Variants in MFHAS1 observed in about 807,000 individuals in gnomAD.
The protein encoded by MFHAS1 is malignant fibrous histiocytoma-amplified sequence 1.
A neutral mutation model predicts 70.4 loss-of-function variants in MFHAS1; 50 were observed. The observed-to-expected ratio is 0.71, with a 90% CI of 0.57 to 0.90. The LOEUF is 0.90. Among genes scored for constraint, MFHAS1 ranks in the 40% least tolerant of loss-of-function variants. MFHAS1 has a pLI of 0.00. For missense variants in MFHAS1, 1,795 were observed against 1,347.6 expected (o/e 1.33, Z -5.20); for synonymous variants, 952 against 620.0 (o/e 1.54, Z -7.96).
intron 1 of MFHAS1, among the ~76,000 whole-genome samples, chr8:8,873,115 C>T (rs1352203583): frequency 1.3e-5 from 2 of 152,216 alleles, no homozygotes; most frequent in African/African-American, 4.8e-5. Flanking sequence ...TTTTTGGTAT[C>T]ATAGTGTTCT....
chr8:8,880,698 T>TCC (rs34720089), intron 1 of MFHAS1, among the ~76,000 whole-genome samples: 5,719 of 148,958 alleles, frequency 0.038, 182 homozygotes, highest in East Asian at 0.14. Context: ...TTTTTTTTTT[T>TCC]CCCCCAGATG....
chr8:8,867,699 A>C lies in MFHAS1; in HGVS notation c.2998+22362T>G, dbSNP rs140552521. ...CAGCCTCCCAAGTAGCTGGGACTAC[A>C]GGCACCCGCCACCACACCCGGCTAA... On this transcript the variant is annotated intron_variant, in intron 1 of 2. Transcript: ENST00000276282. Among the ~76,000 whole-genome samples the C allele has an allele frequency of 7.4e-3, 1,121 of 151,988 alleles. 19 individuals carry two copies. Among genetic ancestry groups the C allele is most frequent in the African/African-American group, 0.026 (1,075 of 41,418 alleles).
intron 1 of MFHAS1, among the ~76,000 whole-genome samples, chr8:8,872,009 CAAAGG>C (rs911534148): frequency 6.6e-6 from 1 of 152,088 alleles, no homozygotes; most frequent in African/African-American, 2.4e-5. Flanking sequence ...TGAGCTAAAT[CAAAGG>C]AGGGAGAAGG....
intron 1 of MFHAS1, among the ~76,000 whole-genome samples, chr8:8,828,760 AG>A (rs1439588563): frequency 2.0e-5 from 3 of 152,212 alleles, no homozygotes; most frequent in Admixed American, 2.0e-4. Flanking sequence ...CGGCGTGCAT[AG>A]CCTGGAAAGA....
At chr8:8,861,065 T>C (rs1473432023) in intron 1 of MFHAS1, among the ~76,000 whole-genome samples, 1 of 152,256 alleles carries the variant, frequency 6.6e-6, no homozygotes, top group African/African-American at 2.4e-5. Flanking sequence ...TTAACGTTTC[T>C]TGGGCTGAGG....
chr8:8,831,051 T>C (rs1056992978), intron 1 of MFHAS1, among the ~76,000 whole-genome samples: 13 of 151,988 alleles, frequency 8.6e-5, no homozygotes, highest in African/African-American at 3.1e-4. Flanking sequence ...AAGATCAGGG[T>C]GCCTGCATGG....
intron 1 of MFHAS1, among the ~76,000 whole-genome samples, chr8:8,804,640 G>C (rs965861600): frequency 6.6e-6 from 1 of 152,174 alleles, no homozygotes. Context: ...TCAGCACTTG[G>C]CTTCTTCCAC....
At chr8:8,836,190 G>A (rs1038341574) in intron 1 of MFHAS1, among the ~76,000 whole-genome samples, 4 of 152,284 alleles carry the variant, frequency 2.6e-5, no homozygotes, top group African/African-American at 7.2e-5. Flanking sequence ...TAAAGGCTGT[G>A]TATGTGAGAA....
At chr8:8,850,780 G>A (rs2116871305) in intron 1 of MFHAS1, among the ~76,000 whole-genome samples, 1 of 142,590 alleles carries the variant, frequency 7.0e-6, no homozygotes, top group Non-Finnish European at 1.5e-5. Flanking sequence ...AGTGGCGATC[G>A]TGCCTGGGCA....
At chr8:8,795,551 C>A (rs1805862640) in intron 2 of MFHAS1, among the ~76,000 whole-genome samples, 1 of 152,182 alleles carries the variant, frequency 6.6e-6, no homozygotes, top group Non-Finnish European at 1.5e-5. Context: ...AACAGTTTCC[C>A]TTGGGTGTTC....
chr8:8,839,332 T>C (rs1342917734), intron 1 of MFHAS1, among the ~76,000 whole-genome samples: 4 of 152,258 alleles, frequency 2.6e-5, no homozygotes, highest in African/African-American at 9.6e-5. Context: ...ATTTGTCTTT[T>C]TGTGAAGAAA....
Position 8,783,734 on chromosome 8 carries a change from A to G in MFHAS1, c.*2288T>C, listed in dbSNP as rs578104189. On this transcript the variant is annotated 3_prime_UTR_variant, in exon 3 of 3. Coordinates refer to ENST00000276282, the MANE Select transcript of MFHAS1 (RefSeq NM_004225.3). ...AAAACATTCCTCTTGTGCTTAGTGA[A>G]TCACCTATCGCCTCGGTGGGCTGCT... 2.6e-5 allele frequency: 4 copies of G among 152,208 alleles called. No homozygotes were observed. The highest frequency in any genetic ancestry group is 5.9e-5 in the Non-Finnish European group (4 of 68,040). 9.4% of individuals were successfully genotyped at this position (152,208 alleles called of 1,614,324 possible).
intron 1 of MFHAS1, among the ~76,000 whole-genome samples, chr8:8,817,427 A>T (rs1806788641): frequency 1.3e-5 from 2 of 152,244 alleles, no homozygotes; most frequent in Admixed American, 1.3e-4. Flanking sequence ...CTTGACTTTC[A>T]AAAATAATAA....
intron 1 of MFHAS1, among the ~76,000 whole-genome samples, chr8:8,808,120 A>G (rs899397470): frequency 6.6e-6 from 1 of 152,052 alleles, no homozygotes; most frequent in Non-Finnish European, 1.5e-5. Flanking sequence ...CCCACACTGT[A>G]GACGCTCCCC....
intron 1 of MFHAS1, among the ~76,000 whole-genome samples, chr8:8,807,364 C>A (rs893172758): frequency 2.6e-5 from 4 of 152,124 alleles, no homozygotes; most frequent in East Asian, 1.9e-4. Context: ...GAATCACTTA[C>A]AATTTCATTT....
chr8:8,869,186 T>C (rs1474214171), intron 1 of MFHAS1, among the ~76,000 whole-genome samples: 1 of 152,072 alleles, frequency 6.6e-6, no homozygotes, highest in Non-Finnish European at 1.5e-5. Flanking sequence ...TCCCCAAAGT[T>C]GATAATGAAA....
intron 2 of MFHAS1, among the ~76,000 whole-genome samples, chr8:8,788,576 G>A (rs1395857773): frequency 6.6e-6 from 1 of 152,176 alleles, no homozygotes; most frequent in Non-Finnish European, 1.5e-5. Context: ...CTACTCGGGG[G>A]GCTGAGGCAG....
chr8:8,843,906 C>G (rs1807933930), intron 1 of MFHAS1, among the ~76,000 whole-genome samples: 2 of 152,156 alleles, frequency 1.3e-5, no homozygotes, highest in African/African-American at 2.4e-5. Context: ...GCAGTATTAC[C>G]TGCCTAAAGA....
intron 1 of MFHAS1, among the ~76,000 whole-genome samples, chr8:8,824,542 CACACA>C (rs1807085195): frequency 1.9e-5 from 1 of 52,156 alleles, no homozygotes; most frequent in African/African-American, 4.3e-5. Flanking sequence ...CACACACACA[CACACA>C]CACACACACA....
Sources: allele counts gnomAD v4.1 joint callset (sites outside exome capture counted in the v4.1 genomes callset), GRCh38; gene constraint gnomAD v4.1.1; transcripts MANE v1.5; gene names NCBI Gene and HGNC (gene_info 2026-07-23, HGNC 2026-07-21).